Variants in MCPH1 observed in about 807,000 individuals in gnomAD.
The protein encoded by MCPH1 is microcephalin 1.
Under a neutral mutation model 84.5 loss-of-function variants are expected in MCPH1, and 104 were observed. The observed-to-expected ratio is 1.23, with a 90% CI of 1.05 to 1.45. The LOEUF is 1.45. Among genes scored for constraint, MCPH1 ranks in the 40% most tolerant of loss-of-function variants. MCPH1 has a pLI of 0.00. For missense variants in MCPH1, 1,498 were observed against 1,005.7 expected (o/e 1.49, Z -6.62); for synonymous variants, 514 against 366.8 (o/e 1.40, Z -4.58).
chr8:6,531,557 G>T lies in MCPH1; in HGVS notation c.2214+31628G>T, dbSNP rs534467223. ...TCCACCCATCTCGGCCTCCCAAAGTGCTGGAATTACAGGCGTGAGCTACTG... is the reference window on the plus strand; with the variant it reads ...TCCACCCATCTCGGCCTCCCAAAGTTCTGGAATTACAGGCGTGAGCTACTG... On this transcript the variant is annotated intron_variant, in intron 12 of 13. Transcript: ENST00000344683. Among the ~76,000 whole-genome samples the T allele has an allele frequency of 2.6e-5, 4 of 152,224 alleles. No individual in the cohort carries two copies. The South Asian group carries it at 6.2e-4, about 24-fold the overall frequency.
chr8:6,521,319 C>G lies in MCPH1; in HGVS notation c.2214+21390C>G, dbSNP rs1817295820. 7 of 1,613,670 alleles carry G rather than the reference C, an allele frequency of 4.3e-6. No homozygotes were observed. In the East Asian group the frequency reaches 1.1e-4, roughly 26 times the overall value. On this transcript the variant is annotated intron_variant, in intron 12 of 13. Coordinates refer to ENST00000344683, the MANE Select transcript of MCPH1 (RefSeq NM_024596.5). ...TCAATGATGGAATTTTGCTTGGATA[C>G]TAACACCTGTAGCTGATCTTTCTCT...
chr8:6,575,860 C>T (rs1393918474), intron 12 of MCPH1, among the ~76,000 whole-genome samples: 1 of 152,122 alleles, frequency 6.6e-6, no homozygotes, highest in Non-Finnish European at 1.5e-5. Flanking sequence ...GATGAGCAGC[C>T]ACTGCCAGCA....
rs1354805977 is a variant in MCPH1 at position 6,645,935 on chromosome 8, G to A, written c.*2886G>A. The A allele has an allele frequency of 6.6e-6, 1 of 152,164 alleles. No individual in the cohort carries two copies. The highest frequency in any genetic ancestry group is 1.5e-5 in the Non-Finnish European group (1 of 68,038). 9.4% of individuals were successfully genotyped at this position (152,164 alleles called of 1,614,324 possible). A position where few individuals can be genotyped will look rare whatever the true frequency, so the allele number is the denominator to read the frequency against. On this transcript the variant is annotated 3_prime_UTR_variant, in exon 14 of 14. Transcript: ENST00000344683. Reference sequence around the variant, plus strand: ...TTAGAAGATGCAATATTGTTAAGATGATAGTCCTCAAATTGACGTATAGAT... The same window carrying A: ...TTAGAAGATGCAATATTGTTAAGATAATAGTCCTCAAATTGACGTATAGAT...
At chr8:6,533,569 C>CTTTTTTTTTTTTTTTT (rs56882906) in intron 12 of MCPH1, among the ~76,000 whole-genome samples, 1 of 113,340 alleles carries the variant, frequency 8.8e-6, no homozygotes, top group Non-Finnish European at 1.7e-5. Flanking sequence ...CGTTTAGTTT[C>CTTTTTTTTTTTTTTTT]TTTTTTTTTT....
chr8:6,578,348 G>C (rs1327662320), intron 12 of MCPH1, among the ~76,000 whole-genome samples: 2 of 152,186 alleles, frequency 1.3e-5, no homozygotes, highest in African/African-American at 4.8e-5. Context: ...AACAAAGCTT[G>C]AAGCCTAAAA....
intron 13 of MCPH1, among the ~76,000 whole-genome samples, chr8:6,630,066 A>G (rs995023684): frequency 6.6e-6 from 1 of 152,198 alleles, no homozygotes; most frequent in African/African-American, 2.4e-5. Flanking sequence ...ATTTTTCTTA[A>G]ATGTTGGTGC....
chr8:6,410,104 G>T lies in MCPH1; in HGVS notation c.114+734G>T, dbSNP rs1585558871. Among the ~76,000 whole-genome samples the T allele has an allele frequency of 3.9e-5, 6 of 152,096 alleles. No individual in the cohort carries two copies. The South Asian group carries it at 1.3e-3, about 32-fold the overall frequency. On this transcript the variant is annotated intron_variant, in intron 2 of 13. Transcript: ENST00000344683. ...CCTGCCTCAGCCTTCCAAGTATCTG[G>T]GACTACAGGCACATGCCACCATGCC...
At chr8:6,465,811 G>A (rs1281530945) in intron 9 of MCPH1, among the ~76,000 whole-genome samples, 1 of 152,202 alleles carries the variant, frequency 6.6e-6, no homozygotes, top group African/African-American at 2.4e-5. Context: ...ATGCACAGCT[G>A]TACGTATTTG....
At chr8:6,503,101 T>G (rs1461556652) in intron 12 of MCPH1, 1 of 1,614,082 alleles carries the variant, frequency 6.2e-7, no homozygotes, top group Admixed American at 1.7e-5. Context: ...ACTGGGATGT[T>G]TAGAAATCTG....
chr8:6,479,896 C>T (rs976122172), intron 10 of MCPH1, among the ~76,000 whole-genome samples: 1 of 152,026 alleles, frequency 6.6e-6, no homozygotes, highest in African/African-American at 2.4e-5. Context: ...AAATAGGTCC[C>T]AGATTTGATT....
At chr8:6,437,789 T>C (rs1802889964) in intron 5 of MCPH1, among the ~76,000 whole-genome samples, 1 of 152,190 alleles carries the variant, frequency 6.6e-6, no homozygotes, top group South Asian at 2.1e-4. Flanking sequence ...ACCATGGCCC[T>C]GCTTCTGAAA....
At chr8:6,476,439 A>AAG (rs1808470272) in intron 9 of MCPH1, among the ~76,000 whole-genome samples, 1 of 151,976 alleles carries the variant, frequency 6.6e-6, no homozygotes, top group African/African-American at 2.4e-5. Flanking sequence ...CAAAAAAAAA[A>AAG]AAAAAAGAAG....
chr8:6,411,031 A>G (rs1798461330), intron 2 of MCPH1, among the ~76,000 whole-genome samples: 1 of 152,132 alleles, frequency 6.6e-6, no homozygotes, highest in African/African-American at 2.4e-5. Flanking sequence ...CGGAGGTTGC[A>G]TTGAGCCGAG....
chr8:6,521,762 A>C (rs969695729), intron 12 of MCPH1, among the ~76,000 whole-genome samples: 41 of 152,186 alleles, frequency 2.7e-4, no homozygotes, highest in African/African-American at 9.7e-4. Context: ...AGTGCTCATG[A>C]AGTGCTTTTT....
At chr8:6,577,817 C>A (rs970470303) in intron 12 of MCPH1, among the ~76,000 whole-genome samples, 1 of 152,174 alleles carries the variant, frequency 6.6e-6, no homozygotes, top group Non-Finnish European at 1.5e-5. Flanking sequence ...CTAGAAAGAC[C>A]TTTAGTAATT....
At chr8:6,415,703 G>T (rs2129551769) in intron 3 of MCPH1, among the ~76,000 whole-genome samples, 1 of 152,254 alleles carries the variant, frequency 6.6e-6, no homozygotes, top group South Asian at 2.1e-4. Flanking sequence ...AAATTGGGAA[G>T]TACGAGTCCT....
At chr8:6,612,166 G>C (rs1830340253) in intron 12 of MCPH1, among the ~76,000 whole-genome samples, 1 of 152,132 alleles carries the variant, frequency 6.6e-6, no homozygotes, top group South Asian at 2.1e-4. Context: ...GGAATTCCAA[G>C]GGTTTAGGGG....
intron 4 of MCPH1, among the ~76,000 whole-genome samples, chr8:6,434,300 TG>T (rs1224815887): frequency 6.6e-6 from 1 of 152,202 alleles, no homozygotes; most frequent in Non-Finnish European, 1.5e-5. Flanking sequence ...CTGCTGACCC[TG>T]AGTCTATATG....
chr8:6,640,059 C>CGTGTGT (rs147642349), intron 13 of MCPH1, among the ~76,000 whole-genome samples: 20,835 of 133,990 alleles, frequency 0.16, 1,832 homozygotes, highest in Middle Eastern at 0.24. Context: ...ATTTTAAACT[C>CGTGTGT]GTGTGTGTGT....
Sources: gnomAD v4.1 joint callset for allele counts (sites outside exome capture counted in the v4.1 genomes callset) on GRCh38, gnomAD v4.1.1 for gene constraint, MANE v1.5 for transcripts, NCBI Gene and HGNC (gene_info 2026-07-23, HGNC 2026-07-21) for gene names.